Variants in PPIL6 observed in about 807,000 individuals in gnomAD.
PPIL6 encodes probable inactive peptidyl-prolyl cis-trans isomerase-like 6.
PPIL6 carries 39 observed loss-of-function variants against 36.8 expected under a neutral mutation model. The observed-to-expected ratio is 1.06, with a 90% CI of 0.82 to 1.38. PPIL6 has a LOEUF of 1.38. PPIL6 is among the 40% of genes most tolerant of loss of function. The pLI is 0.00. For synonymous variants in PPIL6, 123 were observed against 134.1 expected, an observed-to-expected ratio of 0.92 and a Z score of 0.57; for missense variants, 368 against 379.1, an observed-to-expected ratio of 0.97 and a Z score of 0.24.
Position 109,440,549 on chromosome 6 carries a change from GCACCTAGC to G in PPIL6, c.34_41del (p.Ala12ArgfsTer31). Reference sequence around the variant, plus strand: ...GCCGCTCCGGCAGCGACGGCGAGCCGCACCTAGCGTGCGGGGGCCCGCACGGCTGCGGC... The same window carrying G: ...GCCGCTCCGGCAGCGACGGCGAGCCGGTGCGGGGGCCCGCACGGCTGCGGC... On this transcript the variant is annotated frameshift_variant, in exon 1 of 8. Transcript: ENST00000521072. LOFTEE classifies it high-confidence loss of function. 1 of 1,480,592 alleles carries G rather than the reference GCACCTAGC, an allele frequency of 6.8e-7. No homozygotes were observed. 91.7% of individuals were successfully genotyped at this position (1,480,592 alleles called of 1,614,324 possible). A position where few individuals can be genotyped will look rare whatever the true frequency, so the allele number is the denominator to read the frequency against.
chr6:109,440,565 G>GGCCCGCACGGCT lies in PPIL6; in HGVS notation c.14_25dup (p.Gln5_Gly8dup). ...CGGCGAGCCGCACCTAGCGTGCGGG[G>GGCCCGCACGGCT]GCCCGCACGGCTGCGGCCTTGCCAT... On this transcript the variant is annotated inframe_insertion, in exon 1 of 8. Coordinates refer to ENST00000521072, the MANE Select transcript of PPIL6 (RefSeq NM_173672.5). 6.9e-7 allele frequency: 1 copy of GGCCCGCACGGCT among 1,444,704 alleles called. No homozygotes were observed. The highest frequency in any genetic ancestry group is 9.1e-7 in the Non-Finnish European group (1 of 1,102,068). The allele number at this position is 1,444,704 out of a possible 1,614,324, so 89.5% of individuals were successfully genotyped here. A position where few individuals can be genotyped will look rare whatever the true frequency, so the allele number is the denominator to read the frequency against.
Position 109,431,348 on chromosome 6 carries a change from G to A in PPIL6, c.232-3C>T, listed in dbSNP as rs746551835. ...TCCCAGGTTTCATTTTTGAGTTCCT[G>A]TAAGGGAAAAGGACAAAAAAAAAAA... On this transcript the variant is annotated splice_polypyrimidine_tract_variant and splice_region_variant and intron_variant, in intron 2 of 7. Coordinates refer to ENST00000521072, the MANE Select transcript of PPIL6 (RefSeq NM_173672.5). The A allele has an allele frequency of 3.2e-6, 4 of 1,266,826 alleles. No individual in the cohort carries two copies. The highest frequency in any genetic ancestry group is 1.9e-5 in the African/African-American group (1 of 53,520). 78.5% of individuals were successfully genotyped at this position (1,266,826 alleles called of 1,614,324 possible).
At chr6:109,407,528 G>A (rs190591848) in intron 6 of PPIL6, among the ~76,000 whole-genome samples, 3 of 152,130 alleles carry the variant, frequency 2.0e-5, no homozygotes, top group East Asian at 3.9e-4. Context: ...CACCGCGCCC[G>A]GCCAGGACTA....
At chr6:109,416,467 T>C (rs1449410208) in intron 6 of PPIL6, among the ~76,000 whole-genome samples, 1 of 151,314 alleles carries the variant, frequency 6.6e-6, no homozygotes, top group Non-Finnish European at 1.5e-5. Flanking sequence ...CCTCCCAAAG[T>C]GCTGGGATTA....
chr6:109,401,508 G>A (rs1320529965), intron 6 of PPIL6, among the ~76,000 whole-genome samples: 1 of 152,150 alleles, frequency 6.6e-6, no homozygotes, highest in African/African-American at 2.4e-5. Context: ...AAGTGATTAA[G>A]CCATATCTGG....
rs559708491 is a variant in PPIL6, at chr6:109,432,483, C to A, written c.232-1138G>T. ...CAGGCAAACCATGAATAATTTGGAA[C>A]AGCCATGCTCAAACTTTCGTGGGCA... is the stretch of plus-strand genomic sequence containing the variant. On this transcript the variant is annotated intron_variant, in intron 2 of 7. Coordinates refer to ENST00000521072, the MANE Select transcript of PPIL6 (RefSeq NM_173672.5). Among the ~76,000 whole-genome samples the A allele has an allele frequency of 5.9e-5, 9 of 152,222 alleles. No individual in the cohort carries two copies. In the East Asian group the frequency reaches 1.5e-3, roughly 26 times the overall value.
At chr6:109,432,385 C>T (rs1774205629) in intron 2 of PPIL6, among the ~76,000 whole-genome samples, 1 of 152,114 alleles carries the variant, frequency 6.6e-6, no homozygotes, top group South Asian at 2.1e-4. Flanking sequence ...TGATGGTAAA[C>T]CTTCTAAATC....
chr6:109,402,373 T>TA (rs1772591421), intron 6 of PPIL6, among the ~76,000 whole-genome samples: 1 of 151,980 alleles, frequency 6.6e-6, no homozygotes, highest in African/African-American at 2.4e-5. Context: ...CCGTCTCCAC[T>TA]AAAAACACAA....
At chr6:109,438,434 C>G (rs1774579346) in intron 1 of PPIL6, among the ~76,000 whole-genome samples, 1 of 151,508 alleles carries the variant, frequency 6.6e-6, no homozygotes, top group Admixed American at 6.6e-5. Context: ...AAAAAAAAAA[C>G]TAGCTGAATT....
intron 2 of PPIL6, among the ~76,000 whole-genome samples, chr6:109,433,620 A>G (rs1201656298): frequency 6.6e-6 from 1 of 152,192 alleles, no homozygotes; most frequent in Non-Finnish European, 1.5e-5. Context: ...ATGGCCCTGA[A>G]GCCATCCACT....
intron 6 of PPIL6, among the ~76,000 whole-genome samples, chr6:109,402,764 G>C (rs754325299): frequency 6.6e-6 from 1 of 152,108 alleles, no homozygotes; most frequent in South Asian, 2.1e-4. Flanking sequence ...TCCAGAATGT[G>C]TATGTGAATC....
At chr6:109,432,005 C>T (rs1582595584) in intron 2 of PPIL6, among the ~76,000 whole-genome samples, 1 of 152,298 alleles carries the variant, frequency 6.6e-6, no homozygotes, top group African/African-American at 2.4e-5. Context: ...CAGCTTCTTC[C>T]TTTTAGGTCG....
chr6:109,408,696 A>T (rs1243354876), intron 6 of PPIL6, among the ~76,000 whole-genome samples: 1 of 152,170 alleles, frequency 6.6e-6, no homozygotes, highest in Admixed American at 6.5e-5. Context: ...CTTAGCATTC[A>T]TTCTGTTCCC....
chr6:109,398,762 A>C (rs1772402895), intron 7 of PPIL6, among the ~76,000 whole-genome samples: 1 of 152,224 alleles, frequency 6.6e-6, no homozygotes, highest in Non-Finnish European at 1.5e-5. Flanking sequence ...ACAATTATTG[A>C]AATGACTTCA....
chr6:109,425,062 T>C (rs1319068415), intron 5 of PPIL6, among the ~76,000 whole-genome samples: 2 of 152,210 alleles, frequency 1.3e-5, no homozygotes, highest in Non-Finnish European at 2.9e-5. Flanking sequence ...TCATGGGAAC[T>C]GGACATCTGT....
rs574967874 is a variant in PPIL6 at position 109,432,367 on chromosome 6, C to A, written c.232-1022G>T. ...TGCAGTGTGTTAGTGTTTTCATCAA[C>A]ACAACGCTGATGGTAAACCTTCTAA... On this transcript the variant is annotated intron_variant, in intron 2 of 7. Transcript: ENST00000521072. Among the ~76,000 whole-genome samples, 7 of 152,294 alleles carry A rather than the reference C, an allele frequency of 4.6e-5. No individual in the cohort carries two copies. In the South Asian group the frequency reaches 1.2e-3, roughly 27 times the overall value.
At position 109,431,154 on chromosome 6, in the gene PPIL6, T is replaced by C. The variant is rs375629362; in HGVS notation, c.420+3A>G. On this transcript the variant is annotated splice_donor_region_variant and intron_variant, in intron 3 of 7. Coordinates refer to ENST00000521072, the MANE Select transcript of PPIL6 (RefSeq NM_173672.5). ...TTTTTCTTTAAAAGTTAGTATAACT[T>C]GCCTTGGTGTCTCTTAAGAACTTAG... 81 of 1,589,138 alleles carry C rather than the reference T, an allele frequency of 5.1e-5. No individual in the cohort carries two copies. Among genetic ancestry groups the C allele is most frequent in the Non-Finnish European group, 6.9e-5 (80 of 1,163,176 alleles).
At chr6:109,399,083 A>G (rs1460554229) in intron 7 of PPIL6, among the ~76,000 whole-genome samples, 2 of 147,210 alleles carry the variant, frequency 1.4e-5, no homozygotes, top group South Asian at 4.5e-4. Flanking sequence ...ACACCACCAC[A>G]CCCAGCTAAT....
chr6:109,427,243 T>C, intron 3 of PPIL6, 87 bp from the exon 4 acceptor site: 3 of 808,434 alleles, frequency 3.7e-6, no homozygotes, highest in Non-Finnish European at 6.1e-6. Flanking sequence ...GCAGATACAA[T>C]ATTTTTAGTG....
Sources: allele counts gnomAD v4.1 joint callset (sites outside exome capture counted in the v4.1 genomes callset), GRCh38; gene constraint gnomAD v4.1.1; transcripts MANE v1.5; gene names NCBI Gene and HGNC (gene_info 2026-07-23, HGNC 2026-07-21).